COL9A1: variants seen among roughly 807,000 people sequenced by gnomAD.
COL9A1 encodes collagen type IX alpha 1 chain, also known as collagen alpha-1(IX) chain.
Under a neutral mutation model 142.6 loss-of-function variants are expected in COL9A1, and 104 were observed. That is an observed-to-expected ratio of 0.73 (90% CI 0.62 to 0.86). COL9A1 has a LOEUF of 0.86. Among genes scored for constraint, COL9A1 ranks in the 40% least tolerant of loss-of-function variants. The pLI is 0.00. For synonymous variants in COL9A1, 466 were observed against 396.0 expected (o/e 1.18, Z -2.10); for missense variants, 1,210 against 1,176.6 (o/e 1.03, Z -0.42).
chr6:70,244,042 TTAAC>T (rs1770436595), intron 28 of COL9A1, among the ~76,000 whole-genome samples: 1 of 152,368 alleles, frequency 6.6e-6, no homozygotes, highest in East Asian at 1.9e-4. Flanking sequence ...CTATTTAAGT[TTAAC>T]AAAGTGTAAA....
intron 17 of COL9A1, among the ~76,000 whole-genome samples, chr6:70,267,327 G>GTGTTTTTTT (rs1772083182): frequency 7.9e-6 from 1 of 127,032 alleles, no homozygotes; most frequent in African/African-American, 3.0e-5. Context: ...TGGTTTTTTT[G>GTGTTTTTTT]TTTTTTTTTT....
intron 15 of COL9A1, among the ~76,000 whole-genome samples, 167 bp from the exon 16 acceptor site, chr6:70,269,832 C>T (rs1583300646): frequency 1.3e-5 from 2 of 152,110 alleles, no homozygotes; most frequent in Non-Finnish European, 2.9e-5. Context: ...TGGGCATGTT[C>T]TCTTTGGAGA....
Position 70,280,889 on chromosome 6 carries a change from AAGGGTGCGGGGGCAGG to A in COL9A1, c.913-31_913-16del, listed in dbSNP as rs536628091. The A allele has an allele frequency of 9.6e-5, 155 of 1,613,492 alleles. 4 individuals are homozygous for A. The South Asian group carries it at 1.6e-3, about 17-fold the overall frequency. ...CCTGCAGGACCCTGAGCAGGGGCAG[AAGGGTGCGGGGGCAGG>A]AGAGAAAAAGGTGCAAAGTTGAGAC... On this transcript the variant is annotated splice_polypyrimidine_tract_variant and intron_variant, in intron 9 of 37. Transcript: ENST00000357250.
intron 37 of COL9A1, among the ~76,000 whole-genome samples, chr6:70,218,067 C>T (rs1006198185): frequency 2.0e-5 from 3 of 152,092 alleles, no homozygotes; most frequent in African/African-American, 2.4e-5. Context: ...TACTTGCACC[C>T]GGGAGGCAGA....
intron 4 of COL9A1, among the ~76,000 whole-genome samples, chr6:70,296,267 T>C (rs889514915): frequency 6.6e-6 from 1 of 152,172 alleles, no homozygotes; most frequent in Non-Finnish European, 1.5e-5. Flanking sequence ...TACTTTGTAA[T>C]ATGACTGGTT....
At chr6:70,285,706 A>T (rs1773426007) in intron 5 of COL9A1, among the ~76,000 whole-genome samples, 1 of 152,240 alleles carries the variant, frequency 6.6e-6, no homozygotes. Flanking sequence ...AAATACAAGT[A>T]AATAAATAAA....
chr6:70,300,256 A>C (rs1489645995), intron 3 of COL9A1, 53 bp downstream of exon 3: 1 of 1,610,020 alleles, frequency 6.2e-7, no homozygotes, highest in South Asian at 1.1e-5. Context: ...AATAAAAAAA[A>C]AAATCAGGTT....
In COL9A1 at chr6:70,283,717, C is replaced by T. The variant is rs1197833799; in HGVS notation, c.780+20G>A. 1.3e-6 allele frequency: 2 copies of T among 1,596,606 alleles called. No individual in the cohort carries two copies. The highest frequency in any genetic ancestry group is 2.3e-5 in the South Asian group (2 of 88,744). ...TTGAGCTGGGTAGAAGTGGCCTTTG[C>T]AGGTAGTCAGGGGACTCACCGTTAT... is the stretch of plus-strand genomic sequence containing the variant. On this transcript the variant is annotated intron_variant, in intron 6 of 37. Transcript: ENST00000357250.
intron 12 of COL9A1, among the ~76,000 whole-genome samples, chr6:70,273,079 A>T (rs117318207): frequency 0.045 from 6,878 of 152,248 alleles, 244 homozygotes; most frequent in Non-Finnish European, 0.07. Context: ...ACTGATAATG[A>T]TATTATTATT....
chr6:70,277,039 T>A (rs907911331), intron 10 of COL9A1, among the ~76,000 whole-genome samples: 1 of 152,230 alleles, frequency 6.6e-6, no homozygotes, highest in Non-Finnish European at 1.5e-5. Flanking sequence ...ACAATTCTAG[T>A]TATAAAGCAT....
chr6:70,292,501 T>C (rs947964971), intron 5 of COL9A1, among the ~76,000 whole-genome samples: 2 of 152,152 alleles, frequency 1.3e-5, no homozygotes, highest in Admixed American at 1.3e-4. Context: ...GATGTGAGAA[T>C]AGAGTTGGCA....
chr6:70,294,986 A>G (rs1260955904), intron 4 of COL9A1, among the ~76,000 whole-genome samples: 1 of 152,218 alleles, frequency 6.6e-6, no homozygotes, highest in Non-Finnish European at 1.5e-5. Context: ...AGCTTATGAA[A>G]CAATTTAATT....
chr6:70,293,647 A>G (rs944496975), intron 5 of COL9A1, among the ~76,000 whole-genome samples: 19 of 148,566 alleles, frequency 1.3e-4, no homozygotes, highest in Non-Finnish European at 2.7e-4. Flanking sequence ...ACACACACAC[A>G]CACACACACA....
intron 12 of COL9A1, 107 bp from the exon 13 acceptor site, chr6:70,272,195 A>C: frequency 2.3e-6 from 2 of 859,604 alleles, no homozygotes; most frequent in East Asian, 2.8e-5. Context: ...ATTACTAAAA[A>C]TGATGCTCAT....
At chr6:70,240,833 T>A in intron 31 of COL9A1, 100 bp from the exon 32 acceptor site, 1 of 914,612 alleles carries the variant, frequency 1.1e-6, no homozygotes, top group Non-Finnish European at 1.8e-6. Flanking sequence ...CCCACAGTGT[T>A]CCCAGAATCA....
At chr6:70,284,586 G>A (rs576531807) in intron 5 of COL9A1, among the ~76,000 whole-genome samples, 1 of 152,296 alleles carries the variant, frequency 6.6e-6, no homozygotes, top group African/African-American at 2.4e-5. Context: ...GAGGGTAGCA[G>A]GAAACAAACA....
chr6:70,260,296 C>G lies in COL9A1; in HGVS notation c.1449+361G>C, dbSNP rs138728709. On this transcript the variant is annotated intron_variant, in intron 20 of 37. Coordinates refer to ENST00000357250, the MANE Select transcript of COL9A1 (RefSeq NM_001851.6). ...GTGGCTCACACCTGTAATCCCAGTACTTTGGGAGGCCGAGCCAGGTGGATT... is the reference window on the plus strand; with the variant it reads ...GTGGCTCACACCTGTAATCCCAGTAGTTTGGGAGGCCGAGCCAGGTGGATT... 3.0e-3 allele frequency among the ~76,000 whole-genome samples: 460 copies of G among 152,150 alleles called. 8 individuals are homozygous for G. The highest frequency in any genetic ancestry group is 0.01 in the African/African-American group (425 of 41,494).
intron 12 of COL9A1, among the ~76,000 whole-genome samples, chr6:70,272,880 C>CT (rs1359010229): frequency 6.6e-6 from 1 of 152,142 alleles, no homozygotes; most frequent in Non-Finnish European, 1.5e-5. Flanking sequence ...GCCTAGATCT[C>CT]TATTCTCTCT....
At chr6:70,227,269 G>T (rs1014587510) in intron 36 of COL9A1, among the ~76,000 whole-genome samples, 1 of 151,302 alleles carries the variant, frequency 6.6e-6, no homozygotes, top group Non-Finnish European at 1.5e-5. Context: ...AAATATGAAG[G>T]GTTCCTAAAA....
Sources: allele counts gnomAD v4.1 joint callset (sites outside exome capture counted in the v4.1 genomes callset), GRCh38; gene constraint gnomAD v4.1.1; transcripts MANE v1.5; gene names NCBI Gene and HGNC (gene_info 2026-07-23, HGNC 2026-07-21).